TRPM1: variants seen among roughly 807,000 people sequenced by gnomAD.
The protein encoded by TRPM1 is TRPM1-203 APA Isoform, Intron 10.
In TRPM1, 113 loss-of-function variants were observed where a neutral mutation model predicts 149.4. The observed-to-expected ratio is 0.76, with a 90% CI of 0.65 to 0.88. The LOEUF is 0.88. Ranked by LOEUF, TRPM1 falls within the 40% of genes least tolerant of loss-of-function variation. TRPM1 has a pLI of 0.00. For synonymous variants in TRPM1, 741 were observed against 759.5 expected, an observed-to-expected ratio of 0.98 and a Z score of 0.40; for missense variants, 1,976 against 2,038.7, an observed-to-expected ratio of 0.97 and a Z score of 0.59.
chr15:31,001,740 A>C lies in TRPM1; in HGVS notation c.*82T>G, dbSNP rs2031768170. ...ATTTTTTAAGGAAAATGTTTTTAGAAATTGATGATGTTTAGATGGCCAAGA... is the reference window on the plus strand; with the variant it reads ...ATTTTTTAAGGAAAATGTTTTTAGACATTGATGATGTTTAGATGGCCAAGA... On this transcript the variant is annotated 3_prime_UTR_variant, in exon 28 of 28. Transcript: ENST00000256552. 2 of 1,468,362 alleles carry C rather than the reference A, an allele frequency of 1.4e-6. No individual in the cohort carries two copies. Among genetic ancestry groups the C allele is most frequent in the African/African-American group, 1.4e-5 (1 of 70,046 alleles). 91.0% of individuals were successfully genotyped at this position (1,468,362 alleles called of 1,614,324 possible).
Position 31,028,365 on chromosome 15 carries a change from A to T in TRPM1, c.3260T>A (p.Ile1087Asn), listed in dbSNP as rs917965421. The change falls in exon 25 of 28, where the codon ATC (isoleucine) becomes AAC (asparagine). Residue 1087 changes from isoleucine (I) to asparagine (N), a missense_variant. Coordinates refer to ENST00000256552, the MANE Select transcript of TRPM1 (RefSeq NM_001252024.2). Reference sequence around the variant, plus strand: ...AGCAATCAGCAGGTTCACCAGCAGGATGTTGGCGACCAGTAGATAGCACGC... The same window carrying T: ...AGCAATCAGCAGGTTCACCAGCAGGTTGTTGGCGACCAGTAGATAGCACGC... ...LMACYLLVAN[I>N]LLVNLLIAVF... 6.2e-6 allele frequency: 10 copies of T among 1,614,030 alleles called. No homozygotes were observed. Among genetic ancestry groups the T allele is most frequent in the Non-Finnish European group, 8.5e-6 (10 of 1,180,042 alleles).
chr15:31,026,785 G>C, intron 26 of TRPM1, 130 bp downstream of exon 26: 1 of 945,918 alleles, frequency 1.1e-6, no homozygotes, highest in South Asian at 1.4e-5. Context: ...CTTTTGAAAA[G>C]AACAGCAGTT....
intron 1 of TRPM1, among the ~76,000 whole-genome samples, chr15:31,159,110 G>A (rs372912405): frequency 5.5e-4 from 84 of 152,090 alleles, no homozygotes; most frequent in African/African-American, 1.9e-3. Flanking sequence ...GGTCACCTTC[G>A]TCCTTGGGCT....
chr15:31,127,803 C>T (rs2141040046), intron 1 of TRPM1, among the ~76,000 whole-genome samples: 1 of 152,194 alleles, frequency 6.6e-6, no homozygotes, highest in South Asian at 2.1e-4. Context: ...CCAGGGAGCC[C>T]CAGAAATGAG....
chr15:31,097,762 G>A (rs561802927), intron 1 of TRPM1, among the ~76,000 whole-genome samples: 30 of 152,284 alleles, frequency 2.0e-4, no homozygotes, highest in African/African-American at 7.0e-4. Flanking sequence ...TTCAAGAGCA[G>A]AGCTGTCCCG....
intron 26 of TRPM1, 83 bp downstream of exon 26, chr15:31,026,829 AGTT>A (rs2032784007): frequency 2.9e-6 from 4 of 1,385,454 alleles, no homozygotes; most frequent in Non-Finnish European, 4.1e-6. Context: ...ACGAGCAAGT[AGTT>A]GAGTGAGATT....
chr15:31,049,728 T>G (rs940749413), intron 12 of TRPM1, among the ~76,000 whole-genome samples: 17 of 152,232 alleles, frequency 1.1e-4, no homozygotes, highest in African/African-American at 4.1e-4. Flanking sequence ...TGTAAATTAT[T>G]GTTTCCTTTT....
At chr15:31,058,209 G>A (rs1216008799) in intron 11 of TRPM1, among the ~76,000 whole-genome samples, 1 of 151,468 alleles carries the variant, frequency 6.6e-6, no homozygotes, top group African/African-American at 2.4e-5. Flanking sequence ...AATAGATACA[G>A]CAATGACATC....
intron 10 of TRPM1, 55 bp downstream of exon 10, chr15:31,061,387 T>C (rs900817718): frequency 2.6e-6 from 4 of 1,566,710 alleles, no homozygotes; most frequent in Non-Finnish European, 3.5e-6. Flanking sequence ...GAGGGAAGGA[T>C]TGCCGGCTAG....
At chr15:31,114,995 C>T (rs567180022) in intron 1 of TRPM1, among the ~76,000 whole-genome samples, 13 of 152,344 alleles carry the variant, frequency 8.5e-5, no homozygotes, top group African/African-American at 3.1e-4. Context: ...TGGCTCATGC[C>T]TGTAATCCCA....
At chr15:31,125,140 T>C (rs2035930671) in intron 1 of TRPM1, among the ~76,000 whole-genome samples, 1 of 152,004 alleles carries the variant, frequency 6.6e-6, no homozygotes, top group Admixed American at 6.6e-5. Context: ...AACGTGTCAC[T>C]GTACTCCAGC....
intron 1 of TRPM1, among the ~76,000 whole-genome samples, chr15:31,113,012 G>A (rs549572510): frequency 6.6e-6 from 1 of 152,204 alleles, no homozygotes; most frequent in Admixed American, 6.5e-5. Flanking sequence ...GTGCCGGTAA[G>A]TGTTCCGTGT....
chr15:31,144,907 G>A (rs59071841), intron 1 of TRPM1, among the ~76,000 whole-genome samples: 2,888 of 151,812 alleles, frequency 0.019, 93 homozygotes, highest in African/African-American at 0.067. Context: ...GGAGAGATGG[G>A]GTTTCTTCAT....
intron 16 of TRPM1, among the ~76,000 whole-genome samples, chr15:31,045,220 G>T (rs2033730104): frequency 6.6e-6 from 1 of 152,160 alleles, no homozygotes; most frequent in African/African-American, 2.4e-5. Context: ...TGAAGAATCG[G>T]GATGCTGTTT....
intron 11 of TRPM1, among the ~76,000 whole-genome samples, chr15:31,053,834 A>T (rs1275248706): frequency 6.6e-6 from 1 of 152,240 alleles, no homozygotes; most frequent in Non-Finnish European, 1.5e-5. Flanking sequence ...GAGCAACCCA[A>T]GTGTCCACTG....
At chr15:31,060,336 A>G (rs533141965) in intron 11 of TRPM1, 40 of 608,288 alleles carry the variant, frequency 6.6e-5, no homozygotes, top group African/African-American at 6.5e-4. Flanking sequence ...TAATTTCTTC[A>G]GGAGTACTGG....
intron 1 of TRPM1, among the ~76,000 whole-genome samples, chr15:31,140,988 A>AT (rs59328191): frequency 0.011 from 1,551 of 140,940 alleles, 22 homozygotes; most frequent in African/African-American, 0.032. Context: ...CATCCAGCTA[A>AT]TTTTTTTTTT....
intron 1 of TRPM1, among the ~76,000 whole-genome samples, chr15:31,154,141 A>G (rs1175335921): frequency 6.6e-6 from 1 of 152,264 alleles, no homozygotes. Flanking sequence ...AAGAAAACTT[A>G]GGGCTTGGAT....
At position 31,041,936 on chromosome 15, in the gene TRPM1, C is replaced by T; in HGVS notation, c.2087+15G>A. 1.2e-6 allele frequency: 2 copies of T among 1,614,118 alleles called. No homozygotes were observed. Among genetic ancestry groups the T allele is most frequent in the East Asian group, 4.5e-5 (2 of 44,880 alleles). ...GTCATCTCTCCTGGCCTTTAAATCC[C>T]CGCTAGACACTAACTTGGAATTGTT... On this transcript the variant is annotated intron_variant, in intron 17 of 27. Coordinates refer to ENST00000256552, the MANE Select transcript of TRPM1 (RefSeq NM_001252024.2).
Sources: allele counts gnomAD v4.1 joint callset (sites outside exome capture counted in the v4.1 genomes callset), GRCh38; gene constraint gnomAD v4.1.1; transcripts MANE v1.5; gene names NCBI Gene and HGNC (gene_info 2026-07-23, HGNC 2026-07-21).